The following BAZ1A variants were observed in gnomAD, a reference collection of about 807,000 sequenced individuals.
BAZ1A encodes bromodomain adjacent to zinc finger domain protein 1A.
In BAZ1A, 50 loss-of-function variants were observed where a neutral mutation model predicts 185.2. The observed-to-expected ratio is 0.27, with a 90% CI of 0.22 to 0.34. The LOEUF (loss-of-function observed/expected upper bound fraction) is 0.34. BAZ1A is among the 10% of genes least tolerant of loss of function. The probability of loss-of-function intolerance (pLI) is 1.00; values close to 1 mark genes in which losing one functional copy is unlikely to be tolerated. For synonymous variants in BAZ1A, 571 were observed against 615.6 expected (o/e 0.93, Z 1.07); for missense variants, 1,356 against 1,839.9 (o/e 0.74, Z 4.81).
At chr14:34,764,048 C>T (rs1878629714) in intron 23 of BAZ1A, among the ~76,000 whole-genome samples, 1 of 152,122 alleles carries the variant, frequency 6.6e-6, no homozygotes, top group African/African-American at 2.4e-5. Context: ...CCAGGCTCCA[C>T]ACTCATTCGC....
At chr14:34,842,926 G>C (rs56996825) in intron 3 of BAZ1A, among the ~76,000 whole-genome samples, 4,270 of 151,728 alleles carry the variant, frequency 0.028, 74 homozygotes, top group South Asian at 0.054. Context: ...AAGCCCTAGG[G>C]CTCATTCACA....
At chr14:34,780,066 A>C in intron 17 of BAZ1A, 120 bp downstream of exon 17, 2 of 1,389,630 alleles carry the variant, frequency 1.4e-6, no homozygotes, top group Non-Finnish European at 2.0e-6. Context: ...TAAAAAAACA[A>C]ACACAGCCTG....
At chr14:34,767,050 C>G (rs966985362) in intron 21 of BAZ1A, among the ~76,000 whole-genome samples, 2 of 152,178 alleles carry the variant, frequency 1.3e-5, no homozygotes, top group African/African-American at 4.8e-5. Context: ...AATGGCTCTT[C>G]AAAGCTGACA....
intron 12 of BAZ1A, among the ~76,000 whole-genome samples, chr14:34,792,279 G>A (rs1455472067): frequency 5.9e-5 from 9 of 152,068 alleles, no homozygotes; most frequent in Admixed American, 5.2e-4. Flanking sequence ...CAGCTACTCA[G>A]GAGGCTGAGG....
At chr14:34,796,161 T>TACACACACACAC (rs1300254990) in intron 9 of BAZ1A, among the ~76,000 whole-genome samples, 2 of 78,088 alleles carry the variant, frequency 2.6e-5, no homozygotes, top group Non-Finnish European at 2.9e-5. Context: ...CATATACATA[T>TACACACACACAC]ACATACACAC....
chr14:34,862,022 G>T (rs1233176795), intron 3 of BAZ1A, 22 bp downstream of exon 3: 1 of 1,604,978 alleles, frequency 6.2e-7, no homozygotes, highest in Admixed American at 1.7e-5. Context: ...CTTACCAAGA[G>T]GAAAAATTAA....
intron 17 of BAZ1A, among the ~76,000 whole-genome samples, chr14:34,779,813 A>G (rs1879920212): frequency 1.3e-5 from 2 of 152,230 alleles, no homozygotes; most frequent in Admixed American, 1.3e-4. Context: ...TGCATGCTGA[A>G]TGAGTACATT....
At chr14:34,797,034 C>CAA (rs35654778) in intron 9 of BAZ1A, among the ~76,000 whole-genome samples, 3 of 147,996 alleles carry the variant, frequency 2.0e-5, no homozygotes, top group African/African-American at 5.0e-5. Flanking sequence ...GGACATAGTC[C>CAA]AAAAAAAAAG....
intron 5 of BAZ1A, among the ~76,000 whole-genome samples, chr14:34,808,049 T>C (rs942565125): frequency 2.0e-5 from 3 of 151,194 alleles, no homozygotes; most frequent in African/African-American, 7.3e-5. Context: ...TGAGCCAAGA[T>C]CACACCAGTG....
intron 12 of BAZ1A, among the ~76,000 whole-genome samples, chr14:34,788,396 C>T (rs1594841006): frequency 6.6e-6 from 1 of 151,984 alleles, no homozygotes; most frequent in South Asian, 2.1e-4. Flanking sequence ...CTCTGCCTTC[C>T]GGGCTCAAGC....
At chr14:34,757,781 C>T (rs1886325944) in intron 25 of BAZ1A, among the ~76,000 whole-genome samples, 1 of 150,528 alleles carries the variant, frequency 6.6e-6, no homozygotes, top group Non-Finnish European at 1.5e-5. Context: ...CTCTTGTTGC[C>T]CAGCCTGGAG....
intron 2 of BAZ1A, among the ~76,000 whole-genome samples, chr14:34,865,735 G>A (rs942316105): frequency 2.0e-5 from 3 of 152,008 alleles, no homozygotes; most frequent in Admixed American, 6.6e-5. Context: ...GGAAATAATC[G>A]GTGTATATCA....
chr14:34,757,958 A>C (rs537443306), intron 25 of BAZ1A, among the ~76,000 whole-genome samples: 1 of 151,186 alleles, frequency 6.6e-6, no homozygotes, highest in Non-Finnish European at 1.5e-5. Context: ...TGTGTTAGCC[A>C]GGATGGTCTT....
At chr14:34,820,852 T>C (rs2042078908) in intron 4 of BAZ1A, among the ~76,000 whole-genome samples, 1 of 152,210 alleles carries the variant, frequency 6.6e-6, no homozygotes, top group Non-Finnish European at 1.5e-5. Context: ...TGCTGCTTTG[T>C]CAAAGGTCAG....
chr14:34,761,499 G>T (rs1317770033), intron 24 of BAZ1A, among the ~76,000 whole-genome samples: 4 of 152,012 alleles, frequency 2.6e-5, no homozygotes, highest in Non-Finnish European at 5.9e-5. Flanking sequence ...TTCAAATATT[G>T]GCCAAATATC....
chr14:34,783,111 A>G lies in BAZ1A; in HGVS notation c.2111+8T>C, dbSNP rs1364803818. 1.3e-6 allele frequency: 2 copies of G among 1,569,798 alleles called. No individual in the cohort carries two copies. Among genetic ancestry groups the G allele is most frequent in the African/African-American group, 2.7e-5 (2 of 73,822 alleles). ...TAAAGCAGATGAACAGTGTGATTCA[A>G]ACCATACCCAATAGATATATCTGCC... On this transcript the variant is annotated splice_region_variant and intron_variant, in intron 16 of 26. Coordinates refer to ENST00000360310, the MANE Select transcript of BAZ1A (RefSeq NM_013448.3).
chr14:34,781,144 T>C (rs1377554264), intron 16 of BAZ1A, among the ~76,000 whole-genome samples: 1 of 152,198 alleles, frequency 6.6e-6, no homozygotes, highest in Admixed American at 6.5e-5. Flanking sequence ...ACAGTTGGGT[T>C]TTGCAAGTTC....
At position 34,791,128 on chromosome 14, in the gene BAZ1A, A is replaced by G. The variant is rs915888025; in HGVS notation, c.1510+1647T>C. Among the ~76,000 whole-genome samples, 3 of 120,622 alleles carry G rather than the reference A, an allele frequency of 2.5e-5. 1 individual carries two copies. Among genetic ancestry groups the G allele is most frequent in the South Asian group, 6.2e-4 (2 of 3,250 alleles). 79.1% of individuals were successfully genotyped at this position (120,622 alleles called of 152,430 possible). A position where few individuals can be genotyped will look rare whatever the true frequency, so the allele number is the denominator to read the frequency against. On this transcript the variant is annotated intron_variant, in intron 12 of 26. Transcript: ENST00000360310. ...CAAGAGCGAAACTCTGTCTCAAAAA[A>G]GAAAAGAAAAGAGAAGAGAAAAGAG...
At chr14:34,845,911 T>A (rs1973944) in intron 3 of BAZ1A, among the ~76,000 whole-genome samples, 1 of 148,198 alleles carries the variant, frequency 6.7e-6, no homozygotes, top group African/African-American at 2.5e-5. Flanking sequence ...TATGGCCCAA[T>A]AGGAATGGAT....
Sources: allele counts gnomAD v4.1 joint callset (sites outside exome capture counted in the v4.1 genomes callset), GRCh38; gene constraint gnomAD v4.1.1; transcripts MANE v1.5; gene names NCBI Gene and HGNC (gene_info 2026-07-23, HGNC 2026-07-21).